Variants in NUP93 observed in about 807,000 individuals in gnomAD.
NUP93 encodes the protein nucleoporin 93.
A neutral mutation model predicts 107.8 loss-of-function variants in NUP93; 55 were observed. The observed-to-expected ratio is 0.51, with a 90% CI of 0.41 to 0.64. NUP93 has a LOEUF of 0.64. Ranked by LOEUF, NUP93 falls within the 30% of genes least tolerant of loss-of-function variation. NUP93 has a pLI of 0.00. For missense variants in NUP93, 937 were observed against 1,044.7 expected (o/e 0.90, Z 1.42); for synonymous variants, 390 against 397.5 (o/e 0.98, Z 0.22).
intron 3 of NUP93, among the ~76,000 whole-genome samples, chr16:56,769,634 A>G (rs1472160087): frequency 1.3e-5 from 2 of 152,160 alleles, no homozygotes; most frequent in African/African-American, 4.8e-5. Flanking sequence ...AGCAGCTTTT[A>G]GTTTCAAAAT....
At chr16:56,732,396 G>A (rs1961549397) in intron 1 of NUP93, among the ~76,000 whole-genome samples, 1 of 152,206 alleles carries the variant, frequency 6.6e-6, no homozygotes, top group Admixed American at 6.5e-5. Context: ...TGCCCTCATT[G>A]AACTGATAAG....
rs1412775551 is a variant in NUP93, at chr16:56,846,572, T to A, written c.*1963T>A. 6.6e-6 allele frequency: 1 copy of A among 152,070 alleles called. No homozygotes were observed. Among genetic ancestry groups the A allele is most frequent in the African/African-American group, 2.4e-5 (1 of 41,362 alleles). 9.4% of individuals were successfully genotyped at this position (152,070 alleles called of 1,614,324 possible). On this transcript the variant is annotated 3_prime_UTR_variant, in exon 22 of 22. Transcript: ENST00000308159. ...TAAAAATACAAAAATCAGCTGGGCA[T>A]GGTGGCAGGCGCCTGTAATCCCAGC...
At chr16:56,839,727 C>T (rs1188507968) in intron 20 of NUP93, 123 bp downstream of exon 20, 1 of 788,850 alleles carries the variant, frequency 1.3e-6, no homozygotes, top group Admixed American at 2.1e-5. Flanking sequence ...ACTGAGTTTT[C>T]CAGAGTGGTT....
At position 56,795,380 on chromosome 16, in the gene NUP93, C is replaced by G. The variant is rs146140172; in HGVS notation, c.298-3096C>G. ...TTGCTGTGAAAGGTACAAACAAGGC[C>G]CATTAAAATCTGCCATTGTTTTGTG... On this transcript the variant is annotated intron_variant, in intron 3 of 21. Coordinates refer to ENST00000308159, the MANE Select transcript of NUP93 (RefSeq NM_014669.5). Among the ~76,000 whole-genome samples, 12 of 152,176 alleles carry G rather than the reference C, an allele frequency of 7.9e-5. No homozygotes were observed. The East Asian group carries it at 1.9e-3, about 25-fold the overall frequency.
At chr16:56,812,257 A>G (rs1291777718) in intron 5 of NUP93, among the ~76,000 whole-genome samples, 3 of 152,132 alleles carry the variant, frequency 2.0e-5, no homozygotes, top group Non-Finnish European at 4.4e-5. Flanking sequence ...TTTCTGAAAC[A>G]TGTTTTTCCC....
rs561125546 is a variant in NUP93 at position 56,735,467 on chromosome 16, A to G, written c.-15+5256A>G. Among the ~76,000 whole-genome samples, 5 of 152,312 alleles carry G rather than the reference A, an allele frequency of 3.3e-5. No individual in the cohort carries two copies. The South Asian group carries it at 1.0e-3, about 32-fold the overall frequency. ...ACAAGGTTTATTCTGGGAGGTAGAA[A>G]GTTAAAAGCAGTGACTCACCTGGAT... On this transcript the variant is annotated intron_variant, in intron 1 of 21. Coordinates refer to ENST00000308159, the MANE Select transcript of NUP93 (RefSeq NM_014669.5).
At chr16:56,762,324 A>G (rs529236490) in intron 3 of NUP93, among the ~76,000 whole-genome samples, 9 of 152,356 alleles carry the variant, frequency 5.9e-5, no homozygotes, top group East Asian at 1.9e-4. Flanking sequence ...GTATATTTCA[A>G]GAAGTCTGTG....
At position 56,839,619 on chromosome 16, in the gene NUP93, C is replaced by T; in HGVS notation, c.2220+15C>T. 1 of 1,598,596 alleles carries T rather than the reference C, an allele frequency of 6.3e-7. No homozygotes were observed. Among genetic ancestry groups the T allele is most frequent in the Admixed American group, 1.7e-5 (1 of 59,956 alleles). Reference sequence around the variant, plus strand: ...TCAGTGATGAAGTAAGTTCCTTCTTCCTGAGTTGTGGAATTCCTTTTTCCC... The same window carrying T: ...TCAGTGATGAAGTAAGTTCCTTCTTTCTGAGTTGTGGAATTCCTTTTTCCC... On this transcript the variant is annotated intron_variant, in intron 20 of 21. Transcript: ENST00000308159.
At chr16:56,841,956 A>G in intron 21 of NUP93, 123 bp downstream of exon 21, 1 of 1,192,334 alleles carries the variant, frequency 8.4e-7, no homozygotes, top group Non-Finnish European at 1.2e-6. Flanking sequence ...TGGCAGCTGG[A>G]TAAATCTCGT....
At chr16:56,805,175 A>C (rs1448585161) in intron 4 of NUP93, among the ~76,000 whole-genome samples, 2 of 151,932 alleles carry the variant, frequency 1.3e-5, no homozygotes, top group Non-Finnish European at 2.9e-5. Flanking sequence ...CTCCCACCTC[A>C]GCCTCCCAAG....
At chr16:56,735,978 G>A (rs981961211) in intron 1 of NUP93, among the ~76,000 whole-genome samples, 4 of 152,172 alleles carry the variant, frequency 2.6e-5, no homozygotes, top group African/African-American at 4.8e-5. Flanking sequence ...TGGTAGTGAT[G>A]GGGATGAAAG....
intron 5 of NUP93, among the ~76,000 whole-genome samples, chr16:56,810,493 A>G (rs1044981224): frequency 6.6e-6 from 1 of 152,066 alleles, no homozygotes; most frequent in Non-Finnish European, 1.5e-5. Context: ...TTAGCTGGAC[A>G]TGGTTACATG....
intron 13 of NUP93, 71 bp downstream of exon 13, chr16:56,833,477 A>G: frequency 4.0e-6 from 5 of 1,253,122 alleles, no homozygotes; most frequent in Non-Finnish European, 5.4e-6. Flanking sequence ...GGTGGCCACA[A>G]AACCACAACC....
At chr16:56,840,239 C>G (rs1237591778) in intron 20 of NUP93, among the ~76,000 whole-genome samples, 1 of 152,202 alleles carries the variant, frequency 6.6e-6, no homozygotes, top group African/African-American at 2.4e-5. Context: ...CCAGGATGGT[C>G]TCGATCTTCT....
At position 56,846,400 on chromosome 16, in the gene NUP93, T is replaced by G. The variant is rs1964117314; in HGVS notation, c.*1791T>G. 1 of 148,068 alleles carries G rather than the reference T, an allele frequency of 6.8e-6. No homozygotes were observed. Among genetic ancestry groups the G allele is most frequent in the Non-Finnish European group, 1.5e-5 (1 of 67,478 alleles). The allele number at this position is 148,068 out of a possible 1,614,324, so 9.2% of individuals were successfully genotyped here. ...TCCAGCCTGGGTGAAAGAGCGATAC[T>G]CCGTCTCAAAAAAATAAAGAGTACT... On this transcript the variant is annotated 3_prime_UTR_variant, in exon 22 of 22. Coordinates refer to ENST00000308159, the MANE Select transcript of NUP93 (RefSeq NM_014669.5).
intron 1 of NUP93, among the ~76,000 whole-genome samples, chr16:56,747,074 TGCACTCTTCC>T (rs1961832352): frequency 6.6e-6 from 1 of 151,988 alleles, no homozygotes; most frequent in Admixed American, 6.6e-5. Flanking sequence ...CTTGGCTCAC[TGCACTCTTCC>T]GCCCCCCAGG....
At chr16:56,808,593 TATAA>T (rs1416682857) in intron 5 of NUP93, among the ~76,000 whole-genome samples, 65 of 130,504 alleles carry the variant, frequency 5.0e-4, no homozygotes, top group African/African-American at 1.9e-3. Context: ...TTTATAAATA[TATAA>T]ATACATTTAT....
intron 3 of NUP93, among the ~76,000 whole-genome samples, chr16:56,776,208 A>G (rs1161892333): frequency 6.7e-6 from 1 of 148,840 alleles, no homozygotes; most frequent in Non-Finnish European, 1.5e-5. Flanking sequence ...ATAACCTGAT[A>G]ATGAAAGAAA....
At chr16:56,761,549 TTCAA>T (rs1356012258) in intron 3 of NUP93, among the ~76,000 whole-genome samples, 1 of 102,700 alleles carries the variant, frequency 9.7e-6, no homozygotes, top group Non-Finnish European at 1.9e-5. Flanking sequence ...ACTTTTGTTT[TTCAA>T]TCAATGCATT....
Sources: allele counts gnomAD v4.1 joint callset (sites outside exome capture counted in the v4.1 genomes callset), GRCh38; gene constraint gnomAD v4.1.1; transcripts MANE v1.5; gene names NCBI Gene and HGNC (gene_info 2026-07-23, HGNC 2026-07-21).